The following FRMD6 variants were observed in gnomAD, a reference collection of about 807,000 sequenced individuals.
FRMD6 encodes the protein FERM domain-containing protein 6.
FRMD6 carries 37 observed loss-of-function variants against 73.2 expected under a neutral mutation model. That is an observed-to-expected ratio of 0.51 (90% CI 0.39 to 0.66). The LOEUF (loss-of-function observed/expected upper bound fraction) is 0.66, where lower values mean the gene tolerates loss of function less well. Among genes scored for constraint, FRMD6 ranks in the 30% least tolerant of loss-of-function variants. The probability of loss-of-function intolerance (pLI) is 0.00; values close to 1 mark genes in which losing one functional copy is unlikely to be tolerated. For missense variants in FRMD6, 714 were observed against 780.5 expected (o/e 0.91, Z 1.02); for synonymous variants, 273 against 282.2 (o/e 0.97, Z 0.33).
Position 51,722,076 on chromosome 14 carries a change from C to G in FRMD6, c.1488C>G (p.His496Gln), listed in dbSNP as rs759970712. Residue 496 changes from histidine (H) to glutamine (Q), a missense_variant, in exon 12 of 14, where the codon CAC becomes CAG. Physicochemically the swap from His to Gln is conservative, Grantham distance 24. Coordinates refer to ENST00000344768, the MANE Select transcript of FRMD6 (RefSeq NM_001267046.2). The stretch of plus-strand genomic sequence containing the variant: ...TCATGTCGCGGAAGCTGAATGGACA[C>G]TCTGGTGAGCTCTTACGGGAAGTTA... The part of the protein sequence containing the change: ...DMLMSRKLNG[H>Q]SGLIVKEIGS... 6.8e-6 allele frequency: 11 copies of G among 1,613,860 alleles called. No homozygotes were observed. The highest frequency in any genetic ancestry group is 9.3e-6 in the Non-Finnish European group (11 of 1,179,954).
At chr14:51,413,292 A>G in the FRMD6 span, among the ~76,000 whole-genome samples, 1 of 152,134 alleles carries the variant, frequency 6.6e-6, no homozygotes, top group Non-Finnish European at 1.5e-5. Context: ...TATTTCTCCT[A>G]ATGCTATCCC....
intron 1 of FRMD6, among the ~76,000 whole-genome samples, chr14:51,675,190 A>C (rs1894302023): frequency 6.6e-6 from 1 of 152,096 alleles, no homozygotes; most frequent in Admixed American, 6.6e-5. Flanking sequence ...GGGTGACAGT[A>C]GCAGAGGCCG....
intron 1 of FRMD6, among the ~76,000 whole-genome samples, chr14:51,525,177 T>A (rs1885179963): frequency 6.6e-6 from 1 of 151,380 alleles, no homozygotes; most frequent in Non-Finnish European, 1.5e-5. Context: ...GATGGATGGA[T>A]GGATGGATGG....
At chr14:51,725,087 G>A (rs1019838133) in intron 12 of FRMD6, among the ~76,000 whole-genome samples, 1 of 152,174 alleles carries the variant, frequency 6.6e-6, no homozygotes, top group African/African-American at 2.4e-5. Flanking sequence ...TGTGCCAAGT[G>A]TCCCATCACC....
At chr14:51,409,249 T>G in the FRMD6 span, among the ~76,000 whole-genome samples, 11 of 152,046 alleles carry the variant, frequency 7.2e-5, no homozygotes, top group Non-Finnish European at 1.6e-4. Flanking sequence ...CAATGCTCAG[T>G]TTCACCTGAG....
At chr14:51,606,535 C>T (rs1477980575) in intron 2 of FRMD6, among the ~76,000 whole-genome samples, 1 of 152,164 alleles carries the variant, frequency 6.6e-6, no homozygotes, top group Non-Finnish European at 1.5e-5. Flanking sequence ...ACTTAGGTGA[C>T]CCTGGCTCTC....
chr14:51,697,673 A>G (rs1896036777), intron 2 of FRMD6, among the ~76,000 whole-genome samples: 1 of 152,132 alleles, frequency 6.6e-6, no homozygotes, highest in Non-Finnish European at 1.5e-5. Context: ...CATAATGCAT[A>G]TGTTAGTCTG....
intron 9 of FRMD6, chr14:51,715,123 A>G (rs1031082268): frequency 2.3e-6 from 1 of 430,096 alleles, no homozygotes; most frequent in East Asian, 3.8e-5. Context: ...CCTTGTGGCT[A>G]GATGCTTTCC....
intron 1 of FRMD6, among the ~76,000 whole-genome samples, chr14:51,658,017 G>A (rs1367019372): frequency 6.6e-6 from 1 of 152,178 alleles, no homozygotes; most frequent in East Asian, 1.9e-4. Flanking sequence ...CCACATGCTT[G>A]TTGGAGAGAG....
At chr14:51,544,506 A>G (rs1886358200) in intron 1 of FRMD6, among the ~76,000 whole-genome samples, 1 of 152,062 alleles carries the variant, frequency 6.6e-6, no homozygotes, top group South Asian at 2.1e-4. Context: ...TTTGAAAACA[A>G]TATGTATAAG....
intron 3 of FRMD6, among the ~76,000 whole-genome samples, chr14:51,698,550 C>G (rs1438843222): frequency 6.6e-6 from 1 of 152,036 alleles, no homozygotes; most frequent in Non-Finnish European, 1.5e-5. Context: ...TGTTTCCTTG[C>G]ATTCAGGGAG....
intron 11 of FRMD6, among the ~76,000 whole-genome samples, chr14:51,721,737 A>AAGGAG (rs765953939): frequency 7.2e-4 from 30 of 41,548 alleles, no homozygotes; most frequent in African/African-American, 3.4e-3. Context: ...GAAGGGAGGG[A>AAGGAG]GGAAGGAAGG....
At chr14:51,578,392 G>C (rs1048844123) in intron 2 of FRMD6, among the ~76,000 whole-genome samples, 25 of 152,206 alleles carry the variant, frequency 1.6e-4, no homozygotes, top group Non-Finnish European at 2.4e-4. Flanking sequence ...TAAGTAATGA[G>C]GCAAAAGTCA....
chr14:51,589,630 C>T (rs572684204), intron 2 of FRMD6, among the ~76,000 whole-genome samples: 1 of 152,286 alleles, frequency 6.6e-6, no homozygotes, highest in African/African-American at 2.4e-5. Context: ...TGTTACTACC[C>T]CTCTGGTTCT....
chr14:51,583,591 T>C (rs1888855900), intron 2 of FRMD6, among the ~76,000 whole-genome samples: 1 of 152,214 alleles, frequency 6.6e-6, no homozygotes, highest in African/African-American at 2.4e-5. Context: ...TCTTACCAAG[T>C]AGCCACTCTT....
In FRMD6 at chr14:51,687,809, A is replaced by T. The variant is rs189337984; in HGVS notation, c.-146-1882A>T. On this transcript the variant is annotated intron_variant, in intron 1 of 13. Coordinates refer to ENST00000344768, the MANE Select transcript of FRMD6 (RefSeq NM_001267046.2). ...ACAATGTTGAGGACCTTTTTTTTCT[A>T]TTATAAAGATGATGTGATATTCACC... Among the ~76,000 whole-genome samples the T allele has an allele frequency of 1.1e-4, 17 of 152,102 alleles. No homozygotes were observed. In the East Asian group the frequency reaches 3.1e-3, roughly 28 times the overall value.
intron 2 of FRMD6, among the ~76,000 whole-genome samples, chr14:51,636,949 C>T (rs2140006884): frequency 6.6e-6 from 1 of 152,310 alleles, no homozygotes; most frequent in South Asian, 2.1e-4. Flanking sequence ...GTAGGCTGGG[C>T]ACAGTGGCTC....
At chr14:51,667,458 T>C (rs1160328092) in intron 1 of FRMD6, among the ~76,000 whole-genome samples, 2 of 152,228 alleles carry the variant, frequency 1.3e-5, no homozygotes. Context: ...TGTGGTTGCG[T>C]ATGTTTTATC....
the FRMD6 span, among the ~76,000 whole-genome samples, chr14:51,415,240 G>A: frequency 6.6e-6 from 1 of 152,206 alleles, no homozygotes; most frequent in Non-Finnish European, 1.5e-5. Context: ...AGTTTTCAAA[G>A]GGAATGCTTC....
Sources: gnomAD v4.1 joint callset for allele counts (sites outside exome capture counted in the v4.1 genomes callset) on GRCh38, gnomAD v4.1.1 for gene constraint, MANE v1.5 for transcripts, NCBI Gene and HGNC (gene_info 2026-07-23, HGNC 2026-07-21) for gene names.